The following SEC24B variants were observed in gnomAD, a reference collection of about 807,000 sequenced individuals.
SEC24B encodes SEC24 homolog B, COPII component.
A neutral mutation model predicts 142.8 loss-of-function variants in SEC24B; 45 were observed. That is an observed-to-expected ratio of 0.32 (90% CI 0.25 to 0.40). The LOEUF (loss-of-function observed/expected upper bound fraction) is 0.40, where lower values mean the gene tolerates loss of function less well. Among genes scored for constraint, SEC24B ranks in the 10% least tolerant of loss-of-function variants. SEC24B has a pLI of 1.00. For synonymous variants in SEC24B, 574 were observed against 568.2 expected, an observed-to-expected ratio of 1.01 and a Z score of -0.15; for missense variants, 1,409 against 1,526.8, an observed-to-expected ratio of 0.92 and a Z score of 1.29.
intron 2 of SEC24B, among the ~76,000 whole-genome samples, chr4:109,471,305 G>A (rs949359171): frequency 6.6e-6 from 1 of 151,870 alleles, no homozygotes; most frequent in Admixed American, 6.6e-5. Flanking sequence ...CACCATGCCC[G>A]ACTAATTTTT....
At chr4:109,514,739 C>G (rs1010190514) in intron 10 of SEC24B, among the ~76,000 whole-genome samples, 1 of 152,132 alleles carries the variant, frequency 6.6e-6, no homozygotes, top group African/African-American at 2.4e-5. Context: ...TCTTCTGTAG[C>G]TACAACTCTA....
intron 1 of SEC24B, chr4:109,449,396 CTTTTTTT>C (rs74494967): frequency 2.3e-5 from 7 of 301,442 alleles, no homozygotes; most frequent in Non-Finnish European, 4.6e-5. Context: ...GCTAATTTTT[CTTTTTTT>C]TTTTTTTTTG....
intron 2 of SEC24B, among the ~76,000 whole-genome samples, chr4:109,470,555 C>A (rs1282699979): frequency 1.3e-5 from 2 of 152,174 alleles, no homozygotes; most frequent in African/African-American, 4.8e-5. Context: ...ATTCGATATC[C>A]CTTGCTGCAC....
In SEC24B at chr4:109,453,919, G is replaced by A. The variant is rs557419852; in HGVS notation, c.134-8982G>A. 3.3e-5 allele frequency among the ~76,000 whole-genome samples: 5 copies of A among 152,206 alleles called. No homozygotes were observed. In the East Asian group the frequency reaches 5.8e-4, roughly 18 times the overall value. ...GTCCCCCAGGCTGGAGTGCAATGGCGTGATCTCAGCTCACTGCAACCTCCA... is the reference window on the plus strand; with the variant it reads ...GTCCCCCAGGCTGGAGTGCAATGGCATGATCTCAGCTCACTGCAACCTCCA... On this transcript the variant is annotated intron_variant, in intron 1 of 23. Coordinates refer to ENST00000265175, the MANE Select transcript of SEC24B (RefSeq NM_006323.5).
In SEC24B at chr4:109,463,627, A is replaced by G. The variant is rs1337349824; in HGVS notation, c.860A>G (p.Asn287Ser). The G allele has an allele frequency of 1.9e-6, 3 of 1,613,156 alleles. No homozygotes were observed. Among genetic ancestry groups the G allele is most frequent in the Non-Finnish European group, 2.5e-6 (3 of 1,179,204 alleles). The change falls in exon 2 of 24, where the codon AAC (asparagine) becomes AGC (serine). Residue 287 changes from asparagine (N) to serine (S), a missense_variant. By Grantham distance (46) the Asn-to-Ser change is conservative (BLOSUM62 1). Transcript: ENST00000265175. ...ACAGGATCCCTGGCTGTAGCGAACA[A>G]CAACCCAACCATTACTGGTAGGTTG... ...NHTGSLAVAN[N>S]NPTITVADSL...
intron 20 of SEC24B, 63 bp from the exon 21 acceptor site, chr4:109,532,576 T>C: frequency 8.0e-7 from 1 of 1,243,534 alleles, no homozygotes; most frequent in Admixed American, 1.7e-5. Flanking sequence ...TTAGTGACCA[T>C]TAGCTCCCAA....
At chr4:109,493,011 C>T (rs1167939240) in intron 5 of SEC24B, among the ~76,000 whole-genome samples, 3 of 151,992 alleles carry the variant, frequency 2.0e-5, no homozygotes, top group East Asian at 1.9e-4. Context: ...TGAGCCTTTG[C>T]ACCCAGCGCC....
intron 1 of SEC24B, among the ~76,000 whole-genome samples, chr4:109,457,180 C>T (rs1309892958): frequency 6.6e-6 from 1 of 152,168 alleles, no homozygotes; most frequent in African/African-American, 2.4e-5. Flanking sequence ...AATTTCTGTT[C>T]TATATCTTTA....
chr4:109,441,989 T>G (rs927324106), intron 1 of SEC24B, among the ~76,000 whole-genome samples: 2 of 152,224 alleles, frequency 1.3e-5, no homozygotes, highest in Non-Finnish European at 2.9e-5. Context: ...TATCCTTGCA[T>G]TATGATAACC....
intron 1 of SEC24B, among the ~76,000 whole-genome samples, chr4:109,448,640 G>A (rs190907053): frequency 1.3e-5 from 2 of 151,828 alleles, no homozygotes; most frequent in African/African-American, 4.8e-5. Context: ...ATGGGGTTTC[G>A]CCATGTTGGT....
At chr4:109,450,708 GT>G (rs927788570) in intron 1 of SEC24B, 2 of 146,720 alleles carry the variant, frequency 1.4e-5, no homozygotes, top group African/African-American at 5.0e-5. Flanking sequence ...TCACTCATGA[GT>G]TTTGCTTACT....
At position 109,494,874 on chromosome 4, in the gene SEC24B, T is replaced by A. The variant is rs1430980489; in HGVS notation, c.1488+18T>A. On this transcript the variant is annotated intron_variant, in intron 6 of 23. Transcript: ENST00000265175. The stretch of plus-strand genomic sequence containing the variant: ...ATCCTCAAGTATGTATTCAGTCATA[T>A]ACACACATTGTAACAGTTATAAAAC... The A allele has an allele frequency of 1.2e-6, 2 of 1,612,836 alleles. No homozygotes were observed. Among genetic ancestry groups the A allele is most frequent in the African/African-American group, 2.7e-5 (2 of 74,924 alleles).
rs775144146 is a variant in SEC24B at position 109,525,373 on chromosome 4, G to A, written c.2660G>A (p.Cys887Tyr). The A allele has an allele frequency of 2.5e-6, 4 of 1,607,706 alleles. No homozygotes were observed. Among genetic ancestry groups the A allele is most frequent in the African/African-American group, 1.3e-5 (1 of 74,788 alleles). ...LACMSKYSAG[C>Y]IYYYPSFHYT... The stretch of plus-strand genomic sequence containing the variant: ...TGCATGTCCAAGTATTCTGCAGGGT[G>A]CATCTATTATTATCCATCATTCCAC... The change falls in exon 16 of 24, where the codon TGC (cysteine) becomes TAC (tyrosine). Residue 887 changes from cysteine to tyrosine, a missense_variant. Cys to Tyr is a radical substitution (Grantham distance 194). This residue lies in a region of SEC24B where 700 missense variants were observed against 853.3 expected (regional missense o/e 0.82). Coordinates refer to ENST00000265175, the MANE Select transcript of SEC24B (RefSeq NM_006323.5).
chr4:109,505,767 G>C (rs999256004), intron 6 of SEC24B, among the ~76,000 whole-genome samples: 5 of 152,102 alleles, frequency 3.3e-5, no homozygotes, highest in African/African-American at 1.2e-4. Flanking sequence ...ACTATCAAAG[G>C]CTAGTTAGGT....
intron 4 of SEC24B, among the ~76,000 whole-genome samples, chr4:109,483,148 C>T (rs1310975365): frequency 1.3e-5 from 2 of 149,332 alleles, no homozygotes; most frequent in South Asian, 2.1e-4. Flanking sequence ...GGAGCGATCT[C>T]GGCTCACTGC....
At chr4:109,456,332 T>TAA (rs1730667938) in intron 1 of SEC24B, among the ~76,000 whole-genome samples, 1 of 142,344 alleles carries the variant, frequency 7.0e-6, no homozygotes, top group Non-Finnish European at 1.5e-5. Flanking sequence ...CAGGTTTTTT[T>TAA]TGTTTTTTTT....
intron 9 of SEC24B, 81 bp from the exon 10 acceptor site, chr4:109,513,666 T>C: frequency 1.3e-6 from 1 of 773,914 alleles, no homozygotes; most frequent in Non-Finnish European, 2.3e-6. Context: ...ATATTGATAA[T>C]AGATATTTAT....
intron 22 of SEC24B, among the ~76,000 whole-genome samples, chr4:109,534,322 C>T (rs1725261054): frequency 6.6e-6 from 1 of 151,858 alleles, no homozygotes; most frequent in East Asian, 1.9e-4. Flanking sequence ...CGCAGTGGCT[C>T]ACGCCTGTAA....
rs373705741 is a variant in SEC24B, at chr4:109,463,343, G to A, written c.576G>A (p.Ala192=). Residue 192 remains alanine, a synonymous_variant, in exon 2 of 24, where the codon GCG becomes GCA. Coordinates refer to ENST00000265175, the MANE Select transcript of SEC24B (RefSeq NM_006323.5). The part of the protein sequence containing the change: ...HYAMSTVSNA[A]YPSVSYPSLP... ...CTATGTCAACTGTTTCTAATGCCGC[G>A]TATCCTAGTGTTTCATATCCCTCTC... 27 of 1,613,982 alleles carry A rather than the reference G, an allele frequency of 1.7e-5. No homozygotes were observed. Among genetic ancestry groups the A allele is most frequent in the African/African-American group, 4.0e-5 (3 of 74,884 alleles).
Sources: gnomAD v4.1 joint callset for allele counts (sites outside exome capture counted in the v4.1 genomes callset) on GRCh38, gnomAD v4.1.1 for gene constraint, gnomAD v4.1.1 regional missense constraint, MANE v1.5 for transcripts, NCBI Gene and HGNC (gene_info 2026-07-23, HGNC 2026-07-21) for gene names.